RAD52: variants seen among roughly 807,000 people sequenced by gnomAD.
The protein encoded by RAD52 is DNA repair protein RAD52 homolog.
Under a neutral mutation model 55.5 loss-of-function variants are expected in RAD52, and 47 were observed. The ratio of observed to expected loss-of-function variants is 0.85; its 90% CI spans 0.67 to 1.08. The LOEUF (loss-of-function observed/expected upper bound fraction) is 1.08. Ranked by LOEUF, RAD52 falls within the 50% of genes least tolerant of loss-of-function variation. The probability of loss-of-function intolerance (pLI) is 0.00; values close to 1 mark genes in which losing one functional copy is unlikely to be tolerated. For missense variants in RAD52, 468 were observed against 522.8 expected, an observed-to-expected ratio of 0.90 and a Z score of 1.02; for synonymous variants, 184 against 198.9, an observed-to-expected ratio of 0.92 and a Z score of 0.63.
Position 931,242 on chromosome 12 carries a change from C to T in RAD52, c.164G>A (p.Arg55His), listed in dbSNP as rs370272002. ...TACCTTCTGGCCTCCGCCAGCCATG[C>T]GGCTACTTATGTATTCTGGGCCCAG... ...QRLGPEYISSRMAGGGQKVCY... is the reference protein window; with the variant it reads ...QRLGPEYISSHMAGGGQKVCY... The change falls in exon 3 of 12, where the codon CGC (arginine) becomes CAC (histidine). Residue 55 changes from arginine to histidine, a missense_variant. Arg to His is a conservative substitution (Grantham distance 29, BLOSUM62 0). Transcript: ENST00000358495. The T allele has an allele frequency of 1.3e-4, 203 of 1,612,274 alleles. No individual in the cohort carries two copies. In the East Asian group the frequency reaches 3.8e-3, roughly 31 times the overall value.
chr12:936,321 A>G (rs1277769196), intron 1 of RAD52, among the ~76,000 whole-genome samples: 17 of 151,970 alleles, frequency 1.1e-4, no homozygotes, highest in Non-Finnish European at 2.5e-4. Context: ...AAAACAAAAC[A>G]AACAAAAAAA....
At chr12:958,303 CCTCCTGGGTTCAAGCCATT>C (rs765188372) in intron 1 of RAD52, among the ~76,000 whole-genome samples, 8 of 152,200 alleles carry the variant, frequency 5.3e-5, no homozygotes, top group Non-Finnish European at 1.0e-4. Flanking sequence ...GCAAACTCGG[CCTCCTGGGTTCAAGCCATT>C]CTCCTGCCTC....
At chr12:950,348 G>C (rs1958493670), upstream of RAD52, among the ~76,000 whole-genome samples, 1 of 151,936 alleles carries the variant, frequency 6.6e-6, no homozygotes, top group Non-Finnish European at 1.5e-5. Context: ...GAGGCGGGCT[G>C]ATCACGAGGT....
chr12:949,049 A>AATTTTT (rs1232309495), intron 1 of RAD52, among the ~76,000 whole-genome samples: 1 of 151,924 alleles, frequency 6.6e-6, no homozygotes, highest in Non-Finnish European at 1.5e-5. Flanking sequence ...GTGAGCGTCA[A>AATTTTT]ATTTTTATTT....
upstream of RAD52, among the ~76,000 whole-genome samples, chr12:950,018 G>C (rs746885121): frequency 3.4e-4 from 52 of 152,304 alleles, 1 homozygote; most frequent in South Asian, 6.2e-4. Context: ...AGTTAGGCCC[G>C]GGTGGTTCAC....
chr12:972,168 T>G lies in RAD52; in HGVS notation c.-19+17641A>C, dbSNP rs546302803. ...TCAGGAAATGCTCTTCAAGTGCCTA[T>G]TACGTTCCAAGCACTAGGGGTGAAA... On this transcript the variant is annotated intron_variant, in intron 1 of 11. Transcript: ENST00000430095. Among the ~76,000 whole-genome samples the G allele has an allele frequency of 7.5e-4, 114 of 152,266 alleles. 1 individual carries two copies. In the Middle Eastern group the frequency reaches 0.01, roughly 14 times the overall value.
upstream of RAD52, among the ~76,000 whole-genome samples, chr12:954,349 A>G (rs1483900596): frequency 2.6e-5 from 4 of 152,056 alleles, no homozygotes; most frequent in African/African-American, 4.8e-5. Context: ...TTACAATAAC[A>G]GGCTGGGCGC....
intron 7 of RAD52, among the ~76,000 whole-genome samples, chr12:918,142 A>T (rs893022119): frequency 2.0e-5 from 3 of 152,234 alleles, no homozygotes; most frequent in Non-Finnish European, 4.4e-5. Context: ...GTGCAACTGT[A>T]CAGCAAAAGA....
intron 1 of RAD52, among the ~76,000 whole-genome samples, chr12:970,780 A>T (rs182092108): frequency 8.9e-4 from 135 of 152,266 alleles, no homozygotes; most frequent in African/African-American, 3.2e-3. Flanking sequence ...TGAACCAACA[A>T]CCGAGCTATT....
chr12:955,900 C>T (rs967786086), intron 1 of RAD52, among the ~76,000 whole-genome samples: 5 of 152,092 alleles, frequency 3.3e-5, no homozygotes, highest in Admixed American at 6.6e-5. Context: ...CCTGCCTTAG[C>T]CTCCCTAGTA....
intron 1 of RAD52, among the ~76,000 whole-genome samples, chr12:943,412 G>A (rs193016343): frequency 6.6e-6 from 1 of 152,118 alleles, no homozygotes; most frequent in Admixed American, 6.5e-5. Context: ...GCACAATCTC[G>A]GCTCACTGCA....
chr12:916,675 T>A lies in RAD52; in HGVS notation c.689A>T (p.His230Leu). 6.2e-7 allele frequency: 1 copy of A among 1,614,042 alleles called. No homozygotes were observed. The highest frequency in any genetic ancestry group is 1.1e-5 in the South Asian group (1 of 91,082). ...QQVTSPSRPS[H>L]AVIPADQDCS... ...GTCCTGGTCCGCCGGTATCACAGCA[T>A]GGCTGGGTCTGGAAGGGGAGGTCAC... The change falls in exon 8 of 12, where the codon CAT becomes CTT. Residue 230 changes from histidine to leucine, a missense_variant. His to Leu is a moderately conservative substitution (Grantham distance 99, BLOSUM62 -3). Coordinates refer to ENST00000358495, the MANE Select transcript of RAD52 (RefSeq NM_134424.4).
intron 10 of RAD52, 147 bp from the exon 11 acceptor site, chr12:914,268 C>T: frequency 7.7e-7 from 1 of 1,299,326 alleles, no homozygotes; most frequent in South Asian, 1.5e-5. Context: ...TAAAAGTACA[C>T]TTCCCTTTGG....
chr12:944,455 A>G (rs1209419360), intron 1 of RAD52, among the ~76,000 whole-genome samples: 3 of 151,954 alleles, frequency 2.0e-5, no homozygotes, highest in Non-Finnish European at 2.9e-5. Context: ...GAAGGGGTCA[A>G]GGCTGCAGTG....
chr12:926,371 T>G (rs577323605), intron 6 of RAD52, among the ~76,000 whole-genome samples: 10 of 151,494 alleles, frequency 6.6e-5, no homozygotes, highest in African/African-American at 2.4e-4. Flanking sequence ...GGGGGTGGTG[T>G]TATGTGCCTG....
intron 1 of RAD52, among the ~76,000 whole-genome samples, chr12:947,053 G>T (rs7314098): frequency 6.6e-6 from 1 of 152,046 alleles, no homozygotes; most frequent in Non-Finnish European, 1.5e-5. Flanking sequence ...CCAGAGGGGC[G>T]CAGTGGCTCA....
chr12:955,478 CT>C lies in RAD52; in HGVS notation c.-18-22403del, dbSNP rs386375365. On this transcript the variant is annotated intron_variant, in intron 1 of 11. Transcript: ENST00000430095. ...CAACGTACTGTTCTTCTTCTTCTTT[CT>C]TTTTTTTTTTTTGAGACGGAGTCTC... Among the ~76,000 whole-genome samples, 446 of 140,372 alleles carry C rather than the reference CT, an allele frequency of 3.2e-3. 1 individual carries two copies. Among genetic ancestry groups the C allele is most frequent in the African/African-American group, 8.0e-3 (308 of 38,432 alleles). The allele number at this position is 140,372 out of a possible 152,430, so 92.1% of individuals were successfully genotyped here. A position where few individuals can be genotyped will look rare whatever the true frequency, so the allele number is the denominator to read the frequency against.
chr12:934,359 A>G (rs1475706011), intron 1 of RAD52, among the ~76,000 whole-genome samples: 1 of 150,782 alleles, frequency 6.6e-6, no homozygotes, highest in African/African-American at 2.4e-5. Flanking sequence ...GCTACTTGGG[A>G]GGCTGAGGTA....
intron 1 of RAD52, among the ~76,000 whole-genome samples, chr12:979,688 T>C (rs1049128420): frequency 1.8e-4 from 28 of 152,296 alleles, no homozygotes; most frequent in African/African-American, 6.3e-4. Flanking sequence ...CTTGGACTTC[T>C]AGCCTCTAAA....
Sources: allele counts gnomAD v4.1 joint callset (sites outside exome capture counted in the v4.1 genomes callset), GRCh38; gene constraint gnomAD v4.1.1; transcripts MANE v1.5; gene names NCBI Gene and HGNC (gene_info 2026-07-23, HGNC 2026-07-21).